SAMD5: variants seen among roughly 807,000 people sequenced by gnomAD.
SAMD5 encodes sterile alpha motif domain containing 5, also known as sterile alpha motif domain-containing protein 5.
Under a neutral mutation model 11.3 loss-of-function variants are expected in SAMD5, and 13 were observed. The ratio of observed to expected loss-of-function variants is 1.15; its 90% CI spans 0.75 to 1.83. SAMD5 has a LOEUF of 1.83. SAMD5 is among the 40% of genes most tolerant of loss of function. The pLI is 0.00. For missense variants in SAMD5, 255 were observed against 239.1 expected (o/e 1.07, Z -0.44); for synonymous variants, 129 against 111.3 (o/e 1.16, Z -1.00).
At chr6:147,928,078 T>C in the SAMD5 span, among the ~76,000 whole-genome samples, 28 of 152,298 alleles carry the variant, frequency 1.8e-4, no homozygotes, top group East Asian at 4.6e-3. Context: ...AAGTATTTTG[T>C]TGGGGAGTTT....
At chr6:147,896,738 C>CA in the SAMD5 span, among the ~76,000 whole-genome samples, 1,435 of 55,090 alleles carry the variant, frequency 0.026, 11 homozygotes, top group African/African-American at 0.043. Flanking sequence ...GAACATTAAC[C>CA]AAAAAAAAAA....
At chr6:147,827,949 C>T in the SAMD5 span, among the ~76,000 whole-genome samples, 1 of 150,144 alleles carries the variant, frequency 6.7e-6, no homozygotes, top group Admixed American at 6.6e-5. Context: ...ACCACCACTC[C>T]CGGCTAATTT....
chr6:147,933,698 A>C, the SAMD5 span, among the ~76,000 whole-genome samples: 1 of 149,244 alleles, frequency 6.7e-6, no homozygotes, highest in Non-Finnish European at 1.5e-5. Flanking sequence ...GCCACTTTTT[A>C]ATATCTAGCA....
the SAMD5 span, among the ~76,000 whole-genome samples, chr6:147,828,741 G>A: frequency 2.0e-5 from 3 of 152,110 alleles, no homozygotes; most frequent in East Asian, 1.9e-4. Context: ...TTATATGTAC[G>A]TCTGTCCTAT....
At chr6:147,833,367 T>A in the SAMD5 span, among the ~76,000 whole-genome samples, 1 of 152,206 alleles carries the variant, frequency 6.6e-6, no homozygotes, top group Non-Finnish European at 1.5e-5. Flanking sequence ...CTAAAAGAAA[T>A]CATGGATTTG....
chr6:147,643,980 T>C (rs1350263079), intron 1 of SAMD5, among the ~76,000 whole-genome samples: 2 of 147,780 alleles, frequency 1.4e-5, no homozygotes, highest in East Asian at 3.9e-4. Context: ...TAACTGGATT[T>C]AAATGTCATA....
At chr6:147,552,989 A>G (rs1211288918) in intron 1 of SAMD5, among the ~76,000 whole-genome samples, 2 of 152,228 alleles carry the variant, frequency 1.3e-5, no homozygotes, top group African/African-American at 2.4e-5. Context: ...CTAAGTATCT[A>G]TGCCTCCTTA....
At chr6:147,714,735 G>C (rs935162272) in intron 1 of SAMD5, among the ~76,000 whole-genome samples, 1 of 152,152 alleles carries the variant, frequency 6.6e-6, no homozygotes, top group African/African-American at 2.4e-5. Context: ...TGGACAGCTT[G>C]TTATAATACA....
At chr6:147,925,240 C>G in the SAMD5 span, among the ~76,000 whole-genome samples, 2 of 152,244 alleles carry the variant, frequency 1.3e-5, no homozygotes, top group Middle Eastern at 3.4e-3. Context: ...CACTCTCTCT[C>G]TGTGTCTTCA....
intron 1 of SAMD5, among the ~76,000 whole-genome samples, chr6:147,702,327 T>C (rs1791265809): frequency 6.6e-6 from 1 of 152,204 alleles, no homozygotes; most frequent in African/African-American, 2.4e-5. Flanking sequence ...ACAGCCTAAC[T>C]ATATCAGACT....
intron 1 of SAMD5, among the ~76,000 whole-genome samples, chr6:147,665,256 T>G (rs1297469974): frequency 6.6e-6 from 1 of 152,224 alleles, no homozygotes; most frequent in East Asian, 1.9e-4. Flanking sequence ...CCTTTTCATA[T>G]ATATCAGTCA....
At chr6:147,736,630 C>T (rs182607895) in intron 1 of SAMD5, among the ~76,000 whole-genome samples, 9 of 152,250 alleles carry the variant, frequency 5.9e-5, no homozygotes, top group African/African-American at 2.2e-4. Flanking sequence ...TTCTTGAGAG[C>T]ATGTTCTGAT....
intron 1 of SAMD5, among the ~76,000 whole-genome samples, chr6:147,674,279 T>C (rs776191587): frequency 5.9e-5 from 9 of 152,160 alleles, no homozygotes; most frequent in Non-Finnish European, 8.8e-5. Context: ...AGGGGGCTGC[T>C]GGTCACAGAA....
chr6:147,724,604 C>T lies in SAMD5; in HGVS notation c.163-12713C>T, dbSNP rs151135659. On this transcript the variant is annotated intron_variant, in intron 1 of 1. Transcript: ENST00000566741. ...TTAAAATGTGCAACTGAAAAAGTCA[C>T]CTTATCCTGGCCCCCTGTGGAGATC... Among the ~76,000 whole-genome samples, 364 of 152,204 alleles carry T rather than the reference C, an allele frequency of 2.4e-3. 2 individuals carry two copies. The highest frequency in any genetic ancestry group is 8.1e-3 in the African/African-American group (335 of 41,542).
intron 1 of SAMD5, among the ~76,000 whole-genome samples, chr6:147,706,326 A>G (rs1462261238): frequency 6.6e-6 from 1 of 152,072 alleles, no homozygotes; most frequent in Non-Finnish European, 1.5e-5. Flanking sequence ...GGTTCAACCA[A>G]TTCTCCTGCC....
At chr6:147,917,775 T>C in the SAMD5 span, among the ~76,000 whole-genome samples, 1 of 152,236 alleles carries the variant, frequency 6.6e-6, no homozygotes, top group East Asian at 1.9e-4. Context: ...TTTCTACATA[T>C]GGCTAGCCAG....
chr6:147,915,382 G>A, the SAMD5 span, among the ~76,000 whole-genome samples: 5 of 152,270 alleles, frequency 3.3e-5, no homozygotes, highest in East Asian at 9.7e-4. Flanking sequence ...CCATTTTTCT[G>A]TAAATTTGAA....
At chr6:147,891,561 G>A in the SAMD5 span, among the ~76,000 whole-genome samples, 1 of 152,160 alleles carries the variant, frequency 6.6e-6, no homozygotes, top group Non-Finnish European at 1.5e-5. Context: ...AAATGTGTAA[G>A]AGAAGCAATT....
At chr6:147,948,362 A>G in the SAMD5 span, among the ~76,000 whole-genome samples, 2 of 151,506 alleles carry the variant, frequency 1.3e-5, no homozygotes, top group Non-Finnish European at 2.9e-5. Flanking sequence ...TTTGTTTCTT[A>G]TAATAGTGGA....
Sources: gnomAD v4.1 joint callset for allele counts (sites outside exome capture counted in the v4.1 genomes callset) on GRCh38, gnomAD v4.1.1 for gene constraint, MANE v1.5 for transcripts, NCBI Gene and HGNC (gene_info 2026-07-23, HGNC 2026-07-21) for gene names.